The following CDCA7L variants were observed in gnomAD, a reference collection of about 807,000 sequenced individuals.
CDCA7L encodes cell division cycle associated 7 like, also known as cell division cycle-associated 7-like protein.
Under a neutral mutation model 57.4 loss-of-function variants are expected in CDCA7L, and 44 were observed. The ratio of observed to expected loss-of-function variants is 0.77; its 90% CI spans 0.60 to 0.98. CDCA7L has a LOEUF of 0.98. Ranked by LOEUF, CDCA7L falls within the 50% of genes least tolerant of loss-of-function variation. CDCA7L has a pLI of 0.00. For missense variants in CDCA7L, 644 were observed against 580.6 expected (o/e 1.11, Z -1.12); for synonymous variants, 236 against 202.8 (o/e 1.16, Z -1.39).
chr7:21,903,143 G>T, intron 8 of CDCA7L, 29 bp from the exon 9 acceptor site: 2 of 1,604,166 alleles, frequency 1.2e-6, no homozygotes, highest in South Asian at 1.1e-5. Flanking sequence ...CAGACACTTC[G>T]CTCATTATCT....
chr7:21,922,121 G>A (rs1287027151), intron 1 of CDCA7L, among the ~76,000 whole-genome samples: 1 of 152,054 alleles, frequency 6.6e-6, no homozygotes, highest in Admixed American at 6.6e-5. Flanking sequence ...AAGTCAAAAA[G>A]GTACACTCTG....
intron 1 of CDCA7L, among the ~76,000 whole-genome samples, chr7:21,923,337 C>T (rs897919593): frequency 6.6e-6 from 1 of 151,878 alleles, no homozygotes; most frequent in Admixed American, 6.6e-5. Context: ...AAAAAAGATA[C>T]AAAAATCAGC....
At chr7:21,902,669 T>G (rs1290647063) in intron 9 of CDCA7L, 2 of 491,768 alleles carry the variant, frequency 4.1e-6, no homozygotes, top group Non-Finnish European at 7.2e-6. Context: ...CTCTTCATAA[T>G]CTGTGTCTTT....
At chr7:21,903,785 G>GGAAAA (rs1461831344) in intron 8 of CDCA7L, 2 of 219,272 alleles carry the variant, frequency 9.1e-6, no homozygotes, top group East Asian at 2.1e-4. Flanking sequence ...GCCTGGCCCA[G>GGAAAA]GAAAAACAAA....
At position 21,901,057 on chromosome 7, in the gene CDCA7L, G is replaced by A. The variant is rs745320943; in HGVS notation, c.*1265C>T. 8 of 1,613,612 alleles carry A rather than the reference G, an allele frequency of 5.0e-6. No individual in the cohort carries two copies. The Middle Eastern group carries it at 1.2e-3, about 233-fold the overall frequency. ...AACCATTGTTGAAGCCCGTCTCAAG[G>A]AGCTGGCATGCCCTATGCCGGTCAT... On this transcript the variant is annotated 3_prime_UTR_variant, in exon 10 of 10. Coordinates refer to ENST00000406877, the MANE Select transcript of CDCA7L (RefSeq NM_018719.5).
intron 2 of CDCA7L, among the ~76,000 whole-genome samples, chr7:21,912,103 A>G (rs1271710335): frequency 6.6e-6 from 1 of 152,004 alleles, no homozygotes; most frequent in Admixed American, 6.5e-5. Flanking sequence ...CTCTGCAAAA[A>G]ATACAAAAAT....
intron 1 of CDCA7L, among the ~76,000 whole-genome samples, chr7:21,918,678 G>C (rs1223650980): frequency 6.6e-6 from 1 of 151,348 alleles, no homozygotes; most frequent in African/African-American, 2.4e-5. Context: ...TTTACTTCTA[G>C]TTGGCTTGCT....
At position 21,902,279 on chromosome 7, in the gene CDCA7L, G is replaced by A. The variant is rs1438072112; in HGVS notation, c.*43C>T. 6.4e-7 allele frequency: 1 copy of A among 1,566,512 alleles called. No homozygotes were observed. The highest frequency in any genetic ancestry group is 8.8e-7 in the Non-Finnish European group (1 of 1,137,142). ...GCACCAATGGTATGCATGTCTTGTT[G>A]GAGTACTCTATGGTGAGGTGGCTGG... is the stretch of plus-strand genomic sequence containing the variant. On this transcript the variant is annotated 3_prime_UTR_variant, in exon 10 of 10. Transcript: ENST00000406877.
chr7:21,905,817 G>C (rs1252186365), intron 6 of CDCA7L, 186 bp from the exon 7 acceptor site: 5 of 617,636 alleles, frequency 8.1e-6, no homozygotes, highest in Non-Finnish European at 1.3e-5. Context: ...TTCTCAGCAA[G>C]GCGATACAAT....
chr7:21,914,106 G>T (rs1259151943), intron 2 of CDCA7L, among the ~76,000 whole-genome samples: 1 of 152,146 alleles, frequency 6.6e-6, no homozygotes, highest in Non-Finnish European at 1.5e-5. Context: ...TAACATAGGT[G>T]GATAAACTTA....
At chr7:21,902,889 G>C (rs762221676) in intron 9 of CDCA7L, 89 bp downstream of exon 9, 7 of 1,246,156 alleles carry the variant, frequency 5.6e-6, no homozygotes, top group Non-Finnish European at 8.0e-6. Flanking sequence ...TAAGTCACAC[G>C]GGAAGGCAAC....
chr7:21,902,330 C>G lies in CDCA7L; in HGVS notation c.1357G>C (p.Asp453His). 1 of 1,613,864 alleles carries G rather than the reference C, an allele frequency of 6.2e-7. No homozygotes were observed. The change falls in exon 10 of 10, where the codon GAC (aspartate) becomes CAC (histidine). Residue 453 changes from aspartate (D) to histidine (H), a missense_variant. Coordinates refer to ENST00000406877, the MANE Select transcript of CDCA7L (RefSeq NM_018719.5). ...LESLQKELVE[D>H]N ...TTCTGTTTGTTTTCCTCTTAATTGT[C>G]TTCTACCAGCTCCTTTTGTAAGCTG...
intron 4 of CDCA7L, among the ~76,000 whole-genome samples, chr7:21,907,086 A>T (rs1785165321): frequency 6.6e-6 from 1 of 152,262 alleles, no homozygotes; most frequent in Non-Finnish European, 1.5e-5. Flanking sequence ...TTCTTTAAAT[A>T]GATTAATTTC....
At chr7:21,904,983 C>T (rs1785091938) in intron 7 of CDCA7L, among the ~76,000 whole-genome samples, 1 of 152,152 alleles carries the variant, frequency 6.6e-6, no homozygotes, top group South Asian at 2.1e-4. Flanking sequence ...ACCTGGATAC[C>T]TTCAATGTGA....
intron 7 of CDCA7L, among the ~76,000 whole-genome samples, chr7:21,904,592 ATG>A (rs1450809307): frequency 6.6e-6 from 1 of 152,190 alleles, no homozygotes; most frequent in Admixed American, 6.5e-5. Flanking sequence ...TGAATTGCAC[ATG>A]TGAGGGATCT....
At chr7:21,931,026 C>T (rs1335545455) in intron 1 of CDCA7L, among the ~76,000 whole-genome samples, 1 of 152,122 alleles carries the variant, frequency 6.6e-6, no homozygotes, top group Admixed American at 6.5e-5. Flanking sequence ...ACTAGAAAAT[C>T]TAGAAGAAAT....
At chr7:21,902,492 C>T in intron 9 of CDCA7L, 140 bp from the exon 10 acceptor site, 3 of 799,644 alleles carry the variant, frequency 3.8e-6, no homozygotes, top group African/African-American at 1.7e-5. Flanking sequence ...ACAATTTATG[C>T]ATCAATATCC....
intron 8 of CDCA7L, chr7:21,903,644 G>T (rs938711300): frequency 6.2e-6 from 1 of 162,274 alleles, no homozygotes; most frequent in Non-Finnish European, 1.4e-5. Context: ...TCATTTTACC[G>T]AGGGAGCTGA....
chr7:21,903,073 G>A lies in CDCA7L; in HGVS notation c.1239C>T (p.Ser413=), dbSNP rs1784988363. 2 of 1,613,928 alleles carry A rather than the reference G, an allele frequency of 1.2e-6. No homozygotes were observed. Among genetic ancestry groups the A allele is most frequent in the Admixed American group, 1.7e-5 (1 of 60,004 alleles). Residue 413 remains serine (S), a synonymous_variant, in exon 9 of 10, where the codon AGC becomes AGT. Coordinates refer to ENST00000406877, the MANE Select transcript of CDCA7L (RefSeq NM_018719.5). Reference sequence around the variant, plus strand: ...AGCGGCCGTCACGCTTCCGACAGTAGCTGCAATTGCAGATCCCACGACAGG... The same window carrying A: ...AGCGGCCGTCACGCTTCCGACAGTAACTGCAATTGCAGATCCCACGACAGG... ...CPPCRGICNC[S]YCRKRDGRCA...
Sources: allele counts gnomAD v4.1 joint callset (sites outside exome capture counted in the v4.1 genomes callset), GRCh38; gene constraint gnomAD v4.1.1; transcripts MANE v1.5; gene names NCBI Gene and HGNC (gene_info 2026-07-23, HGNC 2026-07-21).